Variants in RNGTT observed in about 807,000 individuals in gnomAD.
The protein encoded by RNGTT is RNA guanylyltransferase and 5'-phosphatase.
RNGTT carries 33 observed loss-of-function variants against 79.3 expected under a neutral mutation model. The ratio of observed to expected loss-of-function variants is 0.42; its 90% CI spans 0.32 to 0.56. The LOEUF (loss-of-function observed/expected upper bound fraction) is 0.56. Among genes scored for constraint, RNGTT ranks in the 20% least tolerant of loss-of-function variants. The pLI is 0.17. For synonymous variants in RNGTT, 222 were observed against 235.9 expected, an observed-to-expected ratio of 0.94 and a Z score of 0.54; for missense variants, 497 against 739.1, an observed-to-expected ratio of 0.67 and a Z score of 3.80.
chr6:88,950,769 C>T (rs960102071), intron 1 of RNGTT, among the ~76,000 whole-genome samples: 1 of 151,840 alleles, frequency 6.6e-6, no homozygotes, highest in African/African-American at 2.4e-5. Flanking sequence ...GAGTTCGAGG[C>T]GGCAGTGAGC....
At chr6:88,905,446 A>T (rs1460609264) in intron 5 of RNGTT, among the ~76,000 whole-genome samples, 1 of 152,270 alleles carries the variant, frequency 6.6e-6, no homozygotes, top group Non-Finnish European at 1.5e-5. Context: ...TAGAAAGTAC[A>T]TGCAGTACAG....
intron 13 of RNGTT, among the ~76,000 whole-genome samples, chr6:88,714,050 A>G (rs947627002): frequency 4.6e-5 from 7 of 152,188 alleles, no homozygotes; most frequent in Non-Finnish European, 7.3e-5. Context: ...ATGCTCTTGG[A>G]TAAGTCATAA....
At chr6:88,759,859 TC>T (rs57020993) in intron 13 of RNGTT, among the ~76,000 whole-genome samples, 25,700 of 151,812 alleles carry the variant, frequency 0.17, 2,414 homozygotes, top group Middle Eastern at 0.25. Context: ...TACTTCATTT[TC>T]CCCCCCACCA....
chr6:88,709,066 T>A (rs1262215564), intron 13 of RNGTT, among the ~76,000 whole-genome samples: 1 of 152,060 alleles, frequency 6.6e-6, no homozygotes, highest in Non-Finnish European at 1.5e-5. Context: ...TCCCAGCACT[T>A]TGGGAGGCTG....
chr6:88,826,015 T>C (rs569322280), intron 11 of RNGTT, among the ~76,000 whole-genome samples: 2 of 152,234 alleles, frequency 1.3e-5, no homozygotes, highest in Non-Finnish European at 2.9e-5. Context: ...TATAGAGTTC[T>C]TCCCTCTTTT....
chr6:88,927,833 C>CAA (rs112249320), intron 4 of RNGTT, among the ~76,000 whole-genome samples: 3 of 76,704 alleles, frequency 3.9e-5, no homozygotes, highest in African/African-American at 9.9e-5. Context: ...GATTCCATCT[C>CAA]AAAAAAAAAA....
At chr6:88,688,748 T>C (rs1349209992) in intron 13 of RNGTT, among the ~76,000 whole-genome samples, 2 of 152,100 alleles carry the variant, frequency 1.3e-5, no homozygotes, top group African/African-American at 4.8e-5. Flanking sequence ...ATAACATGGG[T>C]TTGAACCACG....
intron 4 of RNGTT, among the ~76,000 whole-genome samples, chr6:88,920,712 C>T (rs1327936722): frequency 6.6e-6 from 1 of 152,094 alleles, no homozygotes; most frequent in African/African-American, 2.4e-5. Context: ...CAATTTTAAC[C>T]TCTGGCATTA....
chr6:88,744,624 G>T (rs2127827142), intron 13 of RNGTT, among the ~76,000 whole-genome samples: 1 of 152,192 alleles, frequency 6.6e-6, no homozygotes, highest in East Asian at 1.9e-4. Flanking sequence ...CATTACATTA[G>T]CTCTTTTCCT....
At chr6:88,772,280 A>AC (rs1485706774) in intron 12 of RNGTT, among the ~76,000 whole-genome samples, 1 of 152,160 alleles carries the variant, frequency 6.6e-6, no homozygotes, top group African/African-American at 2.4e-5. Flanking sequence ...TTCTTTAAAA[A>AC]AAAAAAAAGA....
intron 4 of RNGTT, among the ~76,000 whole-genome samples, chr6:88,918,116 A>G (rs1784055207): frequency 6.6e-6 from 1 of 152,118 alleles, no homozygotes. Context: ...CCAGGAGTTC[A>G]AGACCAGCCT....
chr6:88,863,682 T>C (rs1376701462), intron 8 of RNGTT, among the ~76,000 whole-genome samples: 2 of 152,162 alleles, frequency 1.3e-5, no homozygotes, highest in East Asian at 3.8e-4. Context: ...TGGGGCCCAG[T>C]GTCAGTTTCT....
At chr6:88,651,433 T>C (rs961929492) in intron 14 of RNGTT, among the ~76,000 whole-genome samples, 4 of 152,180 alleles carry the variant, frequency 2.6e-5, no homozygotes, top group Non-Finnish European at 5.9e-5. Context: ...TGTTTGAGAA[T>C]TAATTAGAAT....
At chr6:88,836,897 C>A (rs1781099473) in intron 11 of RNGTT, among the ~76,000 whole-genome samples, 2 of 151,684 alleles carry the variant, frequency 1.3e-5, no homozygotes, top group African/African-American at 2.4e-5. Flanking sequence ...CAAAAAAATA[C>A]CCCCCAAAAA....
At chr6:88,681,392 G>A (rs1319421404) in intron 13 of RNGTT, among the ~76,000 whole-genome samples, 1 of 151,896 alleles carries the variant, frequency 6.6e-6, no homozygotes, top group Non-Finnish European at 1.5e-5. Context: ...AAAAAACACT[G>A]TTCTTTCTTA....
chr6:88,932,719 ATTAC>A (rs1417189101), intron 2 of RNGTT, among the ~76,000 whole-genome samples: 1 of 152,130 alleles, frequency 6.6e-6, no homozygotes, highest in Non-Finnish European at 1.5e-5. Context: ...AAAAACCATT[ATTAC>A]TTCTGTTGAG....
chr6:88,659,685 G>A (rs980800676), intron 14 of RNGTT, among the ~76,000 whole-genome samples: 2 of 152,054 alleles, frequency 1.3e-5, no homozygotes, highest in Non-Finnish European at 1.5e-5. Context: ...AATAACTGGT[G>A]TTCCTGAGGA....
chr6:88,749,917 G>C (rs1213443895), intron 13 of RNGTT, among the ~76,000 whole-genome samples: 1 of 152,086 alleles, frequency 6.6e-6, no homozygotes, highest in Admixed American at 6.6e-5. Context: ...ATTACTGGTG[G>C]TTCACTGGCA....
At chr6:88,619,999 A>C (rs1772382552) in intron 14 of RNGTT, among the ~76,000 whole-genome samples, 2 of 152,242 alleles carry the variant, frequency 1.3e-5, no homozygotes, top group African/African-American at 4.8e-5. Flanking sequence ...ACTTTAAGAA[A>C]GTGTGTCCGC....
Sources: gnomAD v4.1 joint callset for allele counts (sites outside exome capture counted in the v4.1 genomes callset) on GRCh38, gnomAD v4.1.1 for gene constraint, MANE v1.5 for transcripts, NCBI Gene and HGNC (gene_info 2026-07-23, HGNC 2026-07-21) for gene names.